Variants in PCDHGB6 observed in about 807,000 individuals in gnomAD.
The protein encoded by PCDHGB6 is protocadherin gamma subfamily B, 6.
PCDHGB6 carries 51 observed loss-of-function variants against 59.1 expected under a neutral mutation model. The observed-to-expected ratio is 0.86, with a 90% CI of 0.69 to 1.09. The LOEUF is 1.09. Ranked by LOEUF, PCDHGB6 falls within the 50% of genes least tolerant of loss-of-function variation. PCDHGB6 has a pLI of 0.00. For missense variants in PCDHGB6, 1,148 were observed against 1,205.1 expected (o/e 0.95, Z 0.70); for synonymous variants, 466 against 495.1 (o/e 0.94, Z 0.78).
At chr5:141,496,928 G>A (rs2099772685) in intron 2 of PCDHGB6, among the ~76,000 whole-genome samples, 1 of 151,334 alleles carries the variant, frequency 6.6e-6, no homozygotes, top group Non-Finnish European at 1.5e-5. Context: ...GTTCACGCCT[G>A]TAATCCCAGC....
At chr5:141,471,252 T>C (rs1003162914) in intron 1 of PCDHGB6, 1 of 151,872 alleles carries the variant, frequency 6.6e-6, no homozygotes, top group Non-Finnish European at 1.5e-5. Flanking sequence ...GGTTTCACCA[T>C]GTTGGCAAGG....
intron 1 of PCDHGB6, chr5:141,415,059 C>A: frequency 1.2e-6 from 2 of 1,613,396 alleles, no homozygotes; most frequent in Non-Finnish European, 1.7e-6. Flanking sequence ...AGCACACGGG[C>A]GAGGTGCGCA....
Position 141,485,581 on chromosome 5 carries a change from G to C in PCDHGB6, c.2419-9226G>C. The C allele has an allele frequency of 6.2e-7, 1 of 1,612,458 alleles. No individual in the cohort carries two copies. The highest frequency in any genetic ancestry group is 8.5e-7 in the Non-Finnish European group (1 of 1,178,652). ...ATCACGCCCCCCGTTTTCCGCGGCA[G>C]CAGCTGGACTTGGAAATTGGGGAGG... On this transcript the variant is annotated intron_variant, in intron 1 of 3. Coordinates refer to ENST00000520790, the MANE Select transcript of PCDHGB6 (RefSeq NM_018926.3). This position sits in a 1 kb window ranked among gnomAD's most constrained non-coding sequence, Gnocchi z 5.7.
intron 1 of PCDHGB6, chr5:141,427,231 G>A (rs1561827383): frequency 2.2e-6 from 1 of 456,612 alleles, no homozygotes; most frequent in African/African-American, 2.0e-5. Flanking sequence ...TATACCATGA[G>A]AGTAGAAGCT....
chr5:141,418,085 A>C lies in PCDHGB6; in HGVS notation c.2418+7465A>C, dbSNP rs1235378254. On this transcript the variant is annotated intron_variant, in intron 1 of 3. Transcript: ENST00000520790. The stretch of plus-strand genomic sequence containing the variant: ...AGTGAGCGCGGAGAAGCTGCACTTC[A>C]GCGTAGACGCGCAGAGCGGGGACTT... The C allele has an allele frequency of 2.5e-6, 4 of 1,613,936 alleles. No homozygotes were observed. The highest frequency in any genetic ancestry group is 3.4e-6 in the Non-Finnish European group (4 of 1,179,908).
At chr5:141,462,387 A>G (rs781355919) in intron 1 of PCDHGB6, among the ~76,000 whole-genome samples, 13 of 152,178 alleles carry the variant, frequency 8.5e-5, no homozygotes, top group Non-Finnish European at 1.3e-4. Context: ...AAATTCGTTA[A>G]CATTTCTTTT....
At chr5:141,414,352 T>C in intron 1 of PCDHGB6, 8 of 1,613,968 alleles carry the variant, frequency 5.0e-6, no homozygotes, top group Non-Finnish European at 6.8e-6. Flanking sequence ...CATTTTGGCG[T>C]ATCTACCATT....
intron 2 of PCDHGB6, among the ~76,000 whole-genome samples, chr5:141,501,102 C>G (rs951290710): frequency 2.0e-5 from 3 of 152,014 alleles, no homozygotes; most frequent in African/African-American, 4.8e-5. Flanking sequence ...CTCTTGACCT[C>G]GTGATCCGCC....
At chr5:141,419,962 G>A in intron 1 of PCDHGB6, 1 of 1,614,092 alleles carries the variant, frequency 6.2e-7, no homozygotes, top group African/African-American at 1.3e-5. Context: ...TGATTTCTGT[G>A]CTCTTTCTCC....
chr5:141,492,111 C>T (rs2154587044), intron 1 of PCDHGB6, among the ~76,000 whole-genome samples: 1 of 152,320 alleles, frequency 6.6e-6, no homozygotes, highest in South Asian at 2.1e-4. Context: ...ATTTCCTCTT[C>T]GATTTCTCCC....
rs753581561 is a variant in PCDHGB6, at chr5:141,485,195, T to G, written c.2419-9612T>G. 2.2e-5 allele frequency: 36 copies of G among 1,613,912 alleles called. No homozygotes were observed. Among genetic ancestry groups the G allele is most frequent in the Non-Finnish European group, 1.4e-5 (16 of 1,179,906 alleles). ...AGCAATGCTCCGCAAGGTGAGAAGC[T>G]GGACAGAAATCTGGCGGTGGGCTAC... is the stretch of plus-strand genomic sequence containing the variant. On this transcript the variant is annotated intron_variant, in intron 1 of 3. Transcript: ENST00000520790. The surrounding 1 kb of genome is among the most constrained non-coding windows in gnomAD (Gnocchi z 5.7).
At chr5:141,412,216 T>C (rs1247540521) in intron 1 of PCDHGB6, 1 of 152,244 alleles carries the variant, frequency 6.6e-6, no homozygotes, top group East Asian at 1.9e-4. Context: ...ACATAAACAC[T>C]TACTTGTTAA....
chr5:141,431,776 C>T lies in PCDHGB6; in HGVS notation c.2418+21156C>T. 6.2e-7 allele frequency: 1 copy of T among 1,614,228 alleles called. No individual in the cohort carries two copies. The stretch of plus-strand genomic sequence containing the variant: ...CCAAAGTCCTGATCACTGTTCTGGA[C>T]GTGAACGACAATGCCCCAGAAGTGG... On this transcript the variant is annotated intron_variant, in intron 1 of 3. Coordinates refer to ENST00000520790, the MANE Select transcript of PCDHGB6 (RefSeq NM_018926.3). The surrounding 1 kb of genome is among the most constrained non-coding windows in gnomAD (Gnocchi z 4.8).
intron 1 of PCDHGB6, chr5:141,419,955 T>C: frequency 1.9e-6 from 3 of 1,614,096 alleles, no homozygotes; most frequent in Non-Finnish European, 2.5e-6. Flanking sequence ...TTGGCCTTGA[T>C]TTCTGTGCTC....
Position 141,476,819 on chromosome 5 carries a change from C to T in PCDHGB6, c.2419-17988C>T. ...CAGCCTGCCTATTCACATCAAGGTGCTGGACGCGAATGACAATGCGCCTGT... is the reference window on the plus strand; with the variant it reads ...CAGCCTGCCTATTCACATCAAGGTGTTGGACGCGAATGACAATGCGCCTGT... On this transcript the variant is annotated intron_variant, in intron 1 of 3. Coordinates refer to ENST00000520790, the MANE Select transcript of PCDHGB6 (RefSeq NM_018926.3). The surrounding 1 kb of genome is among the most constrained non-coding windows in gnomAD (Gnocchi z 7.6). 6.2e-7 allele frequency: 1 copy of T among 1,613,524 alleles called. No homozygotes were observed. The highest frequency in any genetic ancestry group is 8.5e-7 in the Non-Finnish European group (1 of 1,180,036).
intron 1 of PCDHGB6, among the ~76,000 whole-genome samples, chr5:141,482,458 C>G (rs986628162): frequency 1.4e-5 from 2 of 147,624 alleles, no homozygotes; most frequent in African/African-American, 2.6e-5. Flanking sequence ...ATTAGCATCC[C>G]TATGTGCCAG....
rs150878327 is a variant in PCDHGB6 at position 141,438,347 on chromosome 5, C to A, written c.2418+27727C>A. On this transcript the variant is annotated intron_variant, in intron 1 of 3. Coordinates refer to ENST00000520790, the MANE Select transcript of PCDHGB6 (RefSeq NM_018926.3). ...CTTATACATGTCATATAAGGATCTACTCTGTGTATTGTCATTGAGGGCAGA... is the reference window on the plus strand; with the variant it reads ...CTTATACATGTCATATAAGGATCTAATCTGTGTATTGTCATTGAGGGCAGA... Among the ~76,000 whole-genome samples the A allele has an allele frequency of 3.9e-3, 588 of 151,848 alleles. 6 individuals are homozygous for A. Among genetic ancestry groups the A allele is most frequent in the Admixed American group, 0.011 (169 of 15,256 alleles).
At chr5:141,499,730 T>C (rs1412528402) in intron 2 of PCDHGB6, among the ~76,000 whole-genome samples, 1 of 143,912 alleles carries the variant, frequency 6.9e-6, no homozygotes, top group East Asian at 2.1e-4. Context: ...AGTCTCACTC[T>C]CTTGCCCAGG....
chr5:141,472,079 G>T (rs2099271048), intron 1 of PCDHGB6, among the ~76,000 whole-genome samples: 1 of 152,124 alleles, frequency 6.6e-6, no homozygotes, highest in African/African-American at 2.4e-5. Flanking sequence ...TTATATCAAT[G>T]AGTACTATTA....
Sources: allele counts gnomAD v4.1 joint callset (sites outside exome capture counted in the v4.1 genomes callset), GRCh38; gene constraint gnomAD v4.1.1; non-coding constraint Gnocchi (gnomAD v3.1); transcripts MANE v1.5; gene names NCBI Gene and HGNC (gene_info 2026-07-23, HGNC 2026-07-21).